NDE1: variants seen among roughly 807,000 people sequenced by gnomAD.
NDE1 encodes the protein nuclear distribution protein nudE homolog 1.
In NDE1, 28 loss-of-function variants were observed where a neutral mutation model predicts 43.4. The ratio of observed to expected loss-of-function variants is 0.65; its 90% CI spans 0.48 to 0.89. The LOEUF is 0.89. Ranked by LOEUF, NDE1 falls within the 40% of genes least tolerant of loss-of-function variation. The pLI is 0.00. For synonymous variants in NDE1, 184 were observed against 172.0 expected, an observed-to-expected ratio of 1.07 and a Z score of -0.55; for missense variants, 441 against 434.1, an observed-to-expected ratio of 1.02 and a Z score of -0.14.
intron 1 of NDE1, among the ~76,000 whole-genome samples, chr16:15,657,102 GT>G (rs542672912): frequency 3.8e-4 from 54 of 142,176 alleles, no homozygotes; most frequent in Admixed American, 5.7e-4. Context: ...GTCTTTTTTT[GT>G]TTTTTTTTTT....
intron 3 of NDE1, among the ~76,000 whole-genome samples, chr16:15,669,303 C>G (rs1004578936): frequency 6.6e-6 from 1 of 152,012 alleles, no homozygotes; most frequent in Admixed American, 6.6e-5. Flanking sequence ...AAGTGATTGT[C>G]CCGCCTCAGC....
intron 8 of NDE1, chr16:15,717,956 A>G (rs1367584239): frequency 5.3e-6 from 2 of 378,672 alleles, no homozygotes; most frequent in Non-Finnish European, 1.0e-5. Flanking sequence ...CCACCATGGA[A>G]CTAGTGCTCA....
intron 8 of NDE1, chr16:15,715,129 TG>T: frequency 6.3e-7 from 1 of 1,579,198 alleles, no homozygotes. Flanking sequence ...GGCTGGGGGC[TG>T]GGGGCTCGAG....
At chr16:15,669,514 G>A (rs964993243) in intron 3 of NDE1, among the ~76,000 whole-genome samples, 2 of 151,838 alleles carry the variant, frequency 1.3e-5, no homozygotes, top group Admixed American at 6.6e-5. Context: ...GGCACACACC[G>A]CCATGCCTGG....
chr16:15,691,639 T>G (rs557298733), intron 6 of NDE1, among the ~76,000 whole-genome samples: 3 of 95,574 alleles, frequency 3.1e-5, no homozygotes, highest in Admixed American at 1.2e-4. Flanking sequence ...CCTCTTTTTT[T>G]TTGTTGGGTT....
At chr16:15,671,073 T>C (rs1182747583) in intron 3 of NDE1, among the ~76,000 whole-genome samples, 1 of 152,162 alleles carries the variant, frequency 6.6e-6, no homozygotes, top group Non-Finnish European at 1.5e-5. Flanking sequence ...TTCCAGCATA[T>C]AAGGCTGAAA....
intron 7 of NDE1, chr16:15,695,687 T>A (rs2038977730): frequency 1.1e-5 from 11 of 985,238 alleles, no homozygotes; most frequent in East Asian, 1.1e-4. Context: ...GTACACAGTG[T>A]ATTTGTAGCT....
At chr16:15,698,607 C>G (rs576630496) in intron 8 of NDE1, among the ~76,000 whole-genome samples, 281 of 152,222 alleles carry the variant, frequency 1.8e-3, no homozygotes, top group Admixed American at 4.5e-3. Context: ...ACCTGTAATC[C>G]CAGCACTTTG....
chr16:15,724,442 G>A lies in NDE1; in HGVS notation c.*191G>A. ...GACAGCGTCCAGGGTAGGGTGAGAG[G>A]GGGACCATGAGTGGCCCCTGTCCCT... is the stretch of plus-strand genomic sequence containing the variant. On this transcript the variant is annotated 3_prime_UTR_variant, in exon 9 of 9. Coordinates refer to ENST00000396354, the MANE Select transcript of NDE1 (RefSeq NM_017668.3). 6.2e-7 allele frequency: 1 copy of A among 1,612,796 alleles called. No homozygotes were observed. Among genetic ancestry groups the A allele is most frequent in the Non-Finnish European group, 8.5e-7 (1 of 1,179,842 alleles).
In NDE1 at chr16:15,690,353, C is replaced by CTTTTTTTTTTTTTTTTTTTTT. The variant is rs869069843; in HGVS notation, c.524-783_524-763dup. Among the ~76,000 whole-genome samples the CTTTTTTTTTTTTTTTTTTTTT allele has an allele frequency of 4.1e-4, 33 of 80,974 alleles. 2 individuals are homozygous for CTTTTTTTTTTTTTTTTTTTTT. Among genetic ancestry groups the CTTTTTTTTTTTTTTTTTTTTT allele is most frequent in the African/African-American group, 6.7e-4 (13 of 19,460 alleles). 53.1% of individuals were successfully genotyped at this position (80,974 alleles called of 152,430 possible). A position where few individuals can be genotyped will look rare whatever the true frequency, so the allele number is the denominator to read the frequency against. On this transcript the variant is annotated intron_variant, in intron 5 of 8. Transcript: ENST00000396354. ...GCAACTGGCCTTTTTTTTTTTTTTT[C>CTTTTTTTTTTTTTTTTTTTTT]TTTTTTTTTTTTTTTTTTTTTTTTT...
chr16:15,682,825 A>G (rs1832605167), intron 4 of NDE1, among the ~76,000 whole-genome samples: 1 of 151,728 alleles, frequency 6.6e-6, no homozygotes, highest in African/African-American at 2.4e-5. Flanking sequence ...CCCAGGTTCA[A>G]ATGATTTTCC....
chr16:15,667,383 A>T lies in NDE1; in HGVS notation c.181A>T (p.Asn61Tyr). The change falls in exon 3 of 9, where the codon AAC becomes TAC. Residue 61 changes from asparagine to tyrosine, a missense_variant. Transcript: ENST00000396354. ...ETQLQQIETR[N>Y]RDLLSENNRL... ...GCAGCTGCAACAAATTGAAACCAGGAACAGAGACCTCCTGTCCGAAAATAA... is the reference window on the plus strand; with the variant it reads ...GCAGCTGCAACAAATTGAAACCAGGTACAGAGACCTCCTGTCCGAAAATAA... 6.2e-7 allele frequency: 1 copy of T among 1,614,022 alleles called. No homozygotes were observed. Among genetic ancestry groups the T allele is most frequent in the Non-Finnish European group, 8.5e-7 (1 of 1,179,946 alleles).
In NDE1 at chr16:15,725,065, CA is replaced by C. The variant is rs1329422510; in HGVS notation, c.*818del. 5.6e-6 allele frequency: 7 copies of C among 1,255,846 alleles called. No individual in the cohort carries two copies. The highest frequency in any genetic ancestry group is 4.9e-5 in the South Asian group (4 of 81,004). 77.8% of individuals were successfully genotyped at this position (1,255,846 alleles called of 1,614,324 possible). A position where few individuals can be genotyped will look rare whatever the true frequency, so the allele number is the denominator to read the frequency against. On this transcript the variant is annotated 3_prime_UTR_variant, in exon 9 of 9. Coordinates refer to ENST00000396354, the MANE Select transcript of NDE1 (RefSeq NM_017668.3). Reference sequence around the variant, plus strand: ...CTCGTTGAAAGGAGCCCTTTTTACTCAAAACACATGGGCTAGTACTTGAGGT... The same window carrying C: ...CTCGTTGAAAGGAGCCCTTTTTACTCAAACACATGGGCTAGTACTTGAGGT...
At chr16:15,692,125 C>T (rs1032866945) in intron 6 of NDE1, among the ~76,000 whole-genome samples, 1 of 152,030 alleles carries the variant, frequency 6.6e-6, no homozygotes, top group Non-Finnish European at 1.5e-5. Context: ...TCCGATCAGG[C>T]CTTTTACAGC....
Position 15,707,979 on chromosome 16 carries a change from AG to A in NDE1, c.947+11120del, listed in dbSNP as rs1457464730. On this transcript the variant is annotated intron_variant, in intron 8 of 8. Transcript: ENST00000396354. The stretch of plus-strand genomic sequence containing the variant: ...CGTCTCAAAAAAAAAAAAAAAAAAA[AG>A]CAAAATCCCAGAGCAGCAGAGACCT... Among the ~76,000 whole-genome samples the A allele has an allele frequency of 1.2e-3, 149 of 126,264 alleles. 3 individuals are homozygous for A. Among genetic ancestry groups the A allele is most frequent in the African/African-American group, 5.1e-3 (123 of 24,076 alleles). The allele number at this position is 126,264 out of a possible 152,430, so 82.8% of individuals were successfully genotyped here.
intron 1 of NDE1, among the ~76,000 whole-genome samples, chr16:15,662,732 A>G (rs1235556042): frequency 1.3e-5 from 2 of 152,036 alleles, no homozygotes; most frequent in African/African-American, 4.8e-5. Context: ...ATGTGCCACC[A>G]CAGCTGGCTG....
chr16:15,670,832 T>G (rs1325506624), intron 3 of NDE1, among the ~76,000 whole-genome samples: 3 of 152,020 alleles, frequency 2.0e-5, no homozygotes, highest in Non-Finnish European at 2.9e-5. Context: ...GGGTGGACCT[T>G]GGCAAGCCCA....
intron 1 of NDE1, among the ~76,000 whole-genome samples, chr16:15,662,496 G>A (rs1320451845): frequency 1.3e-5 from 2 of 150,422 alleles, no homozygotes; most frequent in Non-Finnish European, 3.0e-5. Flanking sequence ...TGTTAGACAG[G>A]ATGGTCTCAA....
chr16:15,715,322 T>G (rs1372123723), intron 8 of NDE1: 1 of 1,578,498 alleles, frequency 6.3e-7, no homozygotes, highest in East Asian at 2.2e-5. Context: ...TGGCACCCCT[T>G]GTAGCTGGTG....
Sources: gnomAD v4.1 joint callset for allele counts (sites outside exome capture counted in the v4.1 genomes callset) on GRCh38, gnomAD v4.1.1 for gene constraint, MANE v1.5 for transcripts, NCBI Gene and HGNC (gene_info 2026-07-23, HGNC 2026-07-21) for gene names.